The following CSGALNACT1 variants were observed in gnomAD, a reference collection of about 807,000 sequenced individuals.
CSGALNACT1 encodes beta4GalNAcT-1.
CSGALNACT1 carries 52 observed loss-of-function variants against 51.0 expected under a neutral mutation model. The observed-to-expected ratio is 1.02, with a 90% confidence interval of 0.82 to 1.29. The LOEUF (loss-of-function observed/expected upper bound fraction) is 1.29, where lower values mean the gene tolerates loss of function less well. CSGALNACT1 is among the 50% of genes most tolerant of loss of function. The pLI is 0.00. For missense variants in CSGALNACT1, 935 were observed against 679.2 expected (o/e 1.38, Z -4.19); for synonymous variants, 341 against 254.4 (o/e 1.34, Z -3.24).
intron 1 of CSGALNACT1, among the ~76,000 whole-genome samples, chr8:19,736,516 CAA>C (rs11310638): frequency 5.3e-4 from 72 of 135,020 alleles, no homozygotes; most frequent in Admixed American, 6.7e-4. Context: ...GTCCCAAAAC[CAA>C]AAAAAAAAAA....
chr8:19,546,444 A>G (rs980986891), intron 3 of CSGALNACT1, among the ~76,000 whole-genome samples: 1 of 152,240 alleles, frequency 6.6e-6, no homozygotes, highest in East Asian at 1.9e-4. Context: ...ATGGACCTCA[A>G]TAGAACATTG....
chr8:19,521,891 T>A (rs1432255604), intron 3 of CSGALNACT1, among the ~76,000 whole-genome samples: 1 of 152,242 alleles, frequency 6.6e-6, no homozygotes, highest in African/African-American at 2.4e-5. Context: ...CAGGCAAGCA[T>A]CTGCTCTACC....
intron 3 of CSGALNACT1, among the ~76,000 whole-genome samples, chr8:19,536,323 T>C (rs2083737452): frequency 7.3e-6 from 1 of 137,638 alleles, no homozygotes; most frequent in Non-Finnish European, 1.5e-5. Flanking sequence ...TGCTCTGAAC[T>C]TCAAAATTTT....
rs1188791819 is a variant in CSGALNACT1 at position 19,648,939 on chromosome 8, C to T, written c.-544+33534G>A. Among the ~76,000 whole-genome samples the T allele has an allele frequency of 3.3e-5, 5 of 152,128 alleles. No homozygotes were observed. In the South Asian group the frequency reaches 1.0e-3, roughly 32 times the overall value. On this transcript the variant is annotated intron_variant, in intron 1 of 9. Coordinates refer to the CSGALNACT1 transcript ENST00000332246. ...AGCTCTATACCTAATAAATCAGACT[C>T]TACAGTGTTGAAGATCTCATATGGG...
intron 2 of CSGALNACT1, among the ~76,000 whole-genome samples, chr8:19,598,466 A>C (rs879688177): frequency 5.3e-5 from 8 of 152,206 alleles, no homozygotes; most frequent in Admixed American, 3.9e-4. Context: ...ACTTTATAAA[A>C]TCCAAACTGT....
chr8:19,492,504 G>A (rs557446154), intron 4 of CSGALNACT1, among the ~76,000 whole-genome samples: 114 of 152,204 alleles, frequency 7.5e-4, no homozygotes, highest in Non-Finnish European at 1.1e-3. Flanking sequence ...ATCAATTCAC[G>A]TCCTCTTAAA....
At chr8:19,548,024 T>C (rs1170485764) in intron 3 of CSGALNACT1, among the ~76,000 whole-genome samples, 1 of 152,166 alleles carries the variant, frequency 6.6e-6, no homozygotes, top group African/African-American at 2.4e-5. Flanking sequence ...GTAACATCGC[T>C]CACATTAACT....
intron 5 of CSGALNACT1, chr8:19,457,894 C>T (rs2064459661): frequency 1.1e-6 from 1 of 903,952 alleles, no homozygotes; most frequent in Non-Finnish European, 1.6e-6. Flanking sequence ...TATAATTCTA[C>T]ACTTAAGTCT....
intron 3 of CSGALNACT1, among the ~76,000 whole-genome samples, chr8:19,530,772 TA>T (rs1400615173): frequency 6.6e-6 from 1 of 152,206 alleles, no homozygotes; most frequent in African/African-American, 2.4e-5. Context: ...TCCATGAAGT[TA>T]GTAAGACTAT....
chr8:19,593,209 A>G (rs754371463), intron 2 of CSGALNACT1, among the ~76,000 whole-genome samples: 2 of 152,212 alleles, frequency 1.3e-5, no homozygotes, highest in Non-Finnish European at 2.9e-5. Context: ...ACTGTCAATC[A>G]ATAGTGTGAT....
intron 1 of CSGALNACT1, among the ~76,000 whole-genome samples, chr8:19,620,207 C>T (rs775274513): frequency 2.0e-5 from 3 of 149,546 alleles, no homozygotes; most frequent in East Asian, 4.1e-4. Flanking sequence ...CCCAGTTACT[C>T]GGGAGGCTGA....
chr8:19,714,066 T>C (rs1426801783), intron 1 of CSGALNACT1, among the ~76,000 whole-genome samples: 1 of 152,220 alleles, frequency 6.6e-6, no homozygotes, highest in Non-Finnish European at 1.5e-5. Flanking sequence ...ACCCTTCTTC[T>C]TTTGATCTTG....
intron 1 of CSGALNACT1, among the ~76,000 whole-genome samples, chr8:19,671,578 G>A (rs926367937): frequency 3.3e-5 from 5 of 152,148 alleles, no homozygotes; most frequent in Non-Finnish European, 7.3e-5. Context: ...GACATATAGT[G>A]AGAAAAACAG....
intron 1 of CSGALNACT1, among the ~76,000 whole-genome samples, chr8:19,699,361 G>C (rs558672683): frequency 1.3e-5 from 2 of 152,112 alleles, no homozygotes; most frequent in Non-Finnish European, 2.9e-5. Context: ...AGCATTATTT[G>C]CAACAGCCAA....
At chr8:19,477,082 C>A (rs2069892690) in intron 4 of CSGALNACT1, among the ~76,000 whole-genome samples, 2 of 152,202 alleles carry the variant, frequency 1.3e-5, no homozygotes, top group African/African-American at 4.8e-5. Flanking sequence ...TGTAATTGAT[C>A]ATTACTGGCA....
chr8:19,672,915 TAG>T (rs1300341825), intron 1 of CSGALNACT1, among the ~76,000 whole-genome samples: 2 of 152,240 alleles, frequency 1.3e-5, no homozygotes, highest in African/African-American at 4.8e-5. Context: ...ACTGAGTGAT[TAG>T]AGTTTCACTG....
intron 4 of CSGALNACT1, among the ~76,000 whole-genome samples, chr8:19,488,378 T>C (rs1393674598): frequency 5.4e-4 from 6 of 11,140 alleles, no homozygotes; most frequent in African/African-American, 1.1e-3. Context: ...TACATATATA[T>C]ATATATATAT....
rs537092855 is a variant in CSGALNACT1, at chr8:19,508,126, A to G, written c.-296-1996T>C. 3.9e-5 allele frequency among the ~76,000 whole-genome samples: 6 copies of G among 152,358 alleles called. No individual in the cohort carries two copies. The South Asian group carries it at 6.2e-4, about 16-fold the overall frequency. The stretch of plus-strand genomic sequence containing the variant: ...CATTTACTGGTAGTCTATCCTATTT[A>G]CCGATGAGAAGAAGAGCTCAGCCCA... On this transcript the variant is annotated intron_variant, in intron 3 of 9. Transcript: ENST00000454498.
At chr8:19,645,511 A>C (rs936051038) in intron 1 of CSGALNACT1, among the ~76,000 whole-genome samples, 1 of 152,126 alleles carries the variant, frequency 6.6e-6, no homozygotes, top group Non-Finnish European at 1.5e-5. Flanking sequence ...AAGGTTCTTA[A>C]CCTCCCAGAG....
Sources: allele counts gnomAD v4.1 joint callset (sites outside exome capture counted in the v4.1 genomes callset), GRCh38; gene constraint gnomAD v4.1.1; transcripts MANE v1.5; gene names NCBI Gene and HGNC (gene_info 2026-07-23, HGNC 2026-07-21).